Variants in SEPTIN14 observed in about 807,000 individuals in gnomAD.
SEPTIN14 encodes the protein septin 14, also known as septin-14.
SEPTIN14 carries 40 observed loss-of-function variants against 53.6 expected under a neutral mutation model. The ratio of observed to expected loss-of-function variants is 0.75; its 90% confidence interval spans 0.58 to 0.97. The LOEUF is 0.97. Ranked by LOEUF, SEPTIN14 falls within the 50% of genes least tolerant of loss-of-function variation. The pLI is 0.00. For synonymous variants in SEPTIN14, 138 were observed against 166.8 expected, an observed-to-expected ratio of 0.83 and a Z score of 1.33; for missense variants, 471 against 508.2, an observed-to-expected ratio of 0.93 and a Z score of 0.70.
intron 2 of SEPTIN14, among the ~76,000 whole-genome samples, chr7:55,860,048 G>A (rs890077614): frequency 4.6e-5 from 7 of 151,856 alleles, no homozygotes; most frequent in African/African-American, 7.3e-5. Context: ...GCATGGTGGC[G>A]CATGCCTGTA....
At chr7:55,820,442 T>C (rs1788871892) in intron 6 of SEPTIN14, among the ~76,000 whole-genome samples, 1 of 152,216 alleles carries the variant, frequency 6.6e-6, no homozygotes, top group Admixed American at 6.5e-5. Flanking sequence ...CAGTTACAGT[T>C]ACCTGTTACA....
intron 5 of SEPTIN14, among the ~76,000 whole-genome samples, chr7:55,840,299 G>A (rs12672363): frequency 0.19 from 29,329 of 151,082 alleles, 3,675 homozygotes; most frequent in East Asian, 0.43. Context: ...GACCAGCCTG[G>A]CCAACATGGT....
intron 2 of SEPTIN14, among the ~76,000 whole-genome samples, chr7:55,852,591 G>A (rs1179558392): frequency 6.6e-6 from 1 of 152,106 alleles, no homozygotes; most frequent in Non-Finnish European, 1.5e-5. Context: ...CCTACTAAAA[G>A]AAAAGATTGG....
In SEPTIN14 at chr7:55,794,417, G is replaced by A. The variant is rs1390395254; in HGVS notation, c.*1496C>T. On this transcript the variant is annotated 3_prime_UTR_variant, in exon 10 of 10. Coordinates refer to ENST00000388975, the MANE Select transcript of SEPTIN14 (RefSeq NM_207366.3). The stretch of plus-strand genomic sequence containing the variant: ...TCAATAATCTACATTTTTAATGTAT[G>A]CATATGGCATAGCTAATGTACTATT... 1 of 152,094 alleles carries A rather than the reference G, an allele frequency of 6.6e-6. No homozygotes were observed. The highest frequency in any genetic ancestry group is 1.5e-5 in the Non-Finnish European group (1 of 68,028). The allele number at this position is 152,094 out of a possible 1,614,324, so 9.4% of individuals were successfully genotyped here.
chr7:55,850,534 T>A (rs1789499784), intron 2 of SEPTIN14, among the ~76,000 whole-genome samples: 1 of 152,140 alleles, frequency 6.6e-6, no homozygotes, highest in Non-Finnish European at 1.5e-5. Context: ...AATTATACAT[T>A]AATTTCTGTC....
chr7:55,848,342 T>G (rs1789452945), intron 2 of SEPTIN14, among the ~76,000 whole-genome samples: 1 of 152,018 alleles, frequency 6.6e-6, no homozygotes, highest in Non-Finnish European at 1.5e-5. Flanking sequence ...TTGTATTTTT[T>G]GTAGAGAAGG....
At chr7:55,814,163 G>A (rs1432152842) in intron 7 of SEPTIN14, among the ~76,000 whole-genome samples, 1 of 152,184 alleles carries the variant, frequency 6.6e-6, no homozygotes, top group East Asian at 1.9e-4. Context: ...GCGTCACAGT[G>A]TTACTGGGCT....
intron 7 of SEPTIN14, chr7:55,811,081 G>A (rs181093208): frequency 4.2e-4 from 188 of 452,422 alleles, no homozygotes; most frequent in African/African-American, 3.5e-3. Context: ...ATCACCTTTC[G>A]TGTTTCAGCA....
chr7:55,801,046 G>A (rs1788514950), intron 9 of SEPTIN14, among the ~76,000 whole-genome samples: 1 of 151,856 alleles, frequency 6.6e-6, no homozygotes, highest in Non-Finnish European at 1.5e-5. Flanking sequence ...AATAGTTATG[G>A]GATACAGCAA....
At chr7:55,846,475 G>A (rs758999427) in intron 3 of SEPTIN14, 42 bp downstream of exon 3, 1 of 1,466,796 alleles carries the variant, frequency 6.8e-7, no homozygotes, top group Non-Finnish European at 9.2e-7. Flanking sequence ...TGAACATTGG[G>A]AAAAATGAAG....
chr7:55,826,535 C>T (rs570693644), intron 6 of SEPTIN14, among the ~76,000 whole-genome samples: 223 of 152,278 alleles, frequency 1.5e-3, no homozygotes, highest in Middle Eastern at 6.8e-3. Context: ...AGGTGGCTCA[C>T]GCCTGTAATC....
intron 5 of SEPTIN14, among the ~76,000 whole-genome samples, chr7:55,837,350 C>T (rs113394431): frequency 2.0e-5 from 3 of 152,216 alleles, no homozygotes; most frequent in African/African-American, 7.2e-5. Context: ...CTTCCAGGCT[C>T]AGGCAATCCT....
chr7:55,846,681 A>G (rs1482355497), intron 2 of SEPTIN14, 44 bp from the exon 3 acceptor site: 1 of 1,108,510 alleles, frequency 9.0e-7, no homozygotes, highest in Non-Finnish European at 1.3e-6. Flanking sequence ...AGAATAAAAA[A>G]TGAAGTCATT....
chr7:55,862,225 A>C (rs996589261), intron 1 of SEPTIN14, among the ~76,000 whole-genome samples: 2 of 152,184 alleles, frequency 1.3e-5, no homozygotes, highest in Non-Finnish European at 2.9e-5. Flanking sequence ...ATGTAGAGTA[A>C]TACATTTAAC....
At chr7:55,820,726 G>A (rs996118423) in intron 6 of SEPTIN14, among the ~76,000 whole-genome samples, 9 of 152,204 alleles carry the variant, frequency 5.9e-5, no homozygotes, top group African/African-American at 1.9e-4. Flanking sequence ...GATCACCTGA[G>A]GTCAGGAGTT....
intron 6 of SEPTIN14, among the ~76,000 whole-genome samples, chr7:55,829,196 T>C (rs1404138747): frequency 1.3e-5 from 2 of 151,730 alleles, no homozygotes; most frequent in Non-Finnish European, 2.9e-5. Context: ...CTGGGCAAGA[T>C]GGTGAAACCC....
intron 6 of SEPTIN14, 82 bp from the exon 7 acceptor site, chr7:55,819,305 G>C: frequency 1.9e-6 from 2 of 1,065,568 alleles, no homozygotes; most frequent in South Asian, 2.7e-5. Context: ...TTATAAAAAT[G>C]ACAGGCCAGC....
chr7:55,794,606 T>TA lies in SEPTIN14; in HGVS notation c.*1306dup, dbSNP rs1334449342. On this transcript the variant is annotated 3_prime_UTR_variant, in exon 10 of 10. Coordinates refer to ENST00000388975, the MANE Select transcript of SEPTIN14 (RefSeq NM_207366.3). ...TTCTTCCCCCAAATTATAAAATCTGTAAGATGATTTAACAATATGTATAAA... is the reference window on the plus strand; with the variant it reads ...TTCTTCCCCCAAATTATAAAATCTGTAAAGATGATTTAACAATATGTATAAA... 1 of 152,152 alleles carries TA rather than the reference T, an allele frequency of 6.6e-6. No homozygotes were observed. The highest frequency in any genetic ancestry group is 1.9e-4 in the East Asian group (1 of 5,196). 9.4% of individuals were successfully genotyped at this position (152,152 alleles called of 1,614,324 possible). A position where few individuals can be genotyped will look rare whatever the true frequency, so the allele number is the denominator to read the frequency against.
In SEPTIN14 at chr7:55,807,268, AAAT is replaced by A. The variant is rs747773030; in HGVS notation, c.818-13_818-11del. ...TGATTTTCATTTTCCACTAGTAAAA[AAAT>A]AATAATGAATCAACAACATTCAGTA... On this transcript the variant is annotated splice_polypyrimidine_tract_variant and intron_variant, in intron 7 of 9. Transcript: ENST00000388975. 9 of 1,552,572 alleles carry A rather than the reference AAAT, an allele frequency of 5.8e-6. No homozygotes were observed. The Admixed American group carries it at 1.4e-4, about 24-fold the overall frequency.
Sources: allele counts gnomAD v4.1 joint callset (sites outside exome capture counted in the v4.1 genomes callset), GRCh38; gene constraint gnomAD v4.1.1; transcripts MANE v1.5; gene names NCBI Gene and HGNC (gene_info 2026-07-23, HGNC 2026-07-21).